Variants in DTD1 observed in about 807,000 individuals in gnomAD.
The protein encoded by DTD1 is D-tyrosyl-tRNA deacylase 1 homolog.
Under a neutral mutation model 25.6 loss-of-function variants are expected in DTD1, and 13 were observed. The ratio of observed to expected loss-of-function variants is 0.51; its 90% confidence interval spans 0.33 to 0.81. The LOEUF is 0.81. DTD1 is among the 30% of genes least tolerant of loss of function. The pLI is 0.02. For missense variants in DTD1, 193 were observed against 266.4 expected, an observed-to-expected ratio of 0.72 and a Z score of 1.92; for synonymous variants, 110 against 103.6, an observed-to-expected ratio of 1.06 and a Z score of -0.37.
intron 4 of DTD1, among the ~76,000 whole-genome samples, chr20:18,659,688 G>T (rs2060902172): frequency 6.6e-6 from 1 of 152,110 alleles, no homozygotes; most frequent in Non-Finnish European, 1.5e-5. Context: ...TCACTCATAA[G>T]TGGGAGTTGA....
chr20:18,756,352 A>G (rs151024593), intron 5 of DTD1, among the ~76,000 whole-genome samples: 3,371 of 152,240 alleles, frequency 0.022, 128 homozygotes, highest in African/African-American at 0.078. Context: ...GCCCATGCCT[A>G]TGTCCTGAAT....
At chr20:18,695,047 T>TA (rs1197347744) in intron 4 of DTD1, among the ~76,000 whole-genome samples, 5 of 152,176 alleles carry the variant, frequency 3.3e-5, no homozygotes, top group Admixed American at 3.3e-4. Context: ...AGGACACAGA[T>TA]ACTCAGCGCG....
In DTD1 at chr20:18,708,276, TAATATATATTA is replaced by T. The variant is rs1568676905; in HGVS notation, c.478-35823_478-35813del. On this transcript the variant is annotated intron_variant, in intron 4 of 5. Transcript: ENST00000377452. ...ATTATATATATATTTTATATATATATAATATATATTATATATATATAATATATATATTTTAT... is the reference window on the plus strand; with the variant it reads ...ATTATATATATATTTTATATATATATTATATATATAATATATATATTTTAT... 4.4e-3 allele frequency among the ~76,000 whole-genome samples: 57 copies of T among 13,080 alleles called. 3 individuals are homozygous for T. The highest frequency in any genetic ancestry group is 9.1e-3 in the African/African-American group (46 of 5,072). 8.6% of individuals were successfully genotyped at this position (13,080 alleles called of 152,430 possible). A position where few individuals can be genotyped will look rare whatever the true frequency, so the allele number is the denominator to read the frequency against.
chr20:18,657,884 G>A (rs2060896398), intron 4 of DTD1, among the ~76,000 whole-genome samples: 2 of 152,082 alleles, frequency 1.3e-5, no homozygotes, highest in Admixed American at 6.5e-5. Flanking sequence ...AGGCTACAGC[G>A]TCCTTCAGGG....
At chr20:18,700,824 G>T (rs889928343) in intron 4 of DTD1, among the ~76,000 whole-genome samples, 2 of 152,144 alleles carry the variant, frequency 1.3e-5, no homozygotes, top group Admixed American at 6.6e-5. Flanking sequence ...CTCAGAGGAA[G>T]GGGGACCTTG....
chr20:18,636,890 A>C (rs1378006362), intron 4 of DTD1, among the ~76,000 whole-genome samples: 2 of 152,218 alleles, frequency 1.3e-5, no homozygotes, highest in Non-Finnish European at 2.9e-5. Flanking sequence ...ACTGAGGACC[A>C]CTGGCATCAA....
intron 4 of DTD1, among the ~76,000 whole-genome samples, chr20:18,633,297 C>G (rs954221907): frequency 1.3e-5 from 2 of 152,122 alleles, no homozygotes; most frequent in East Asian, 3.9e-4. Flanking sequence ...AGAAGAGGGT[C>G]AAGCTCTTTC....
chr20:18,705,516 A>G (rs1305871223), intron 4 of DTD1, among the ~76,000 whole-genome samples: 1 of 152,168 alleles, frequency 6.6e-6, no homozygotes, highest in Non-Finnish European at 1.5e-5. Flanking sequence ...CCAGGAAGCT[A>G]CCGCCAGGTT....
At chr20:18,714,802 T>G (rs1239491827) in intron 4 of DTD1, among the ~76,000 whole-genome samples, 1 of 152,320 alleles carries the variant, frequency 6.6e-6, no homozygotes, top group East Asian at 1.9e-4. Context: ...AGGGCAAAAC[T>G]AATTTCCTAT....
At chr20:18,703,863 C>T (rs1165118096) in intron 4 of DTD1, among the ~76,000 whole-genome samples, 1 of 152,004 alleles carries the variant, frequency 6.6e-6, no homozygotes, top group Non-Finnish European at 1.5e-5. Flanking sequence ...TTCCCAGAGT[C>T]AGTTCTGTTT....
At chr20:18,684,906 T>C (rs1453482965) in intron 4 of DTD1, among the ~76,000 whole-genome samples, 7 of 151,600 alleles carry the variant, frequency 4.6e-5, no homozygotes, top group African/African-American at 1.7e-4. Flanking sequence ...TTTGTTTTTT[T>C]GCTTTTTTTT....
intron 3 of DTD1, among the ~76,000 whole-genome samples, chr20:18,609,169 C>G (rs2060676124): frequency 6.6e-6 from 1 of 151,292 alleles, no homozygotes; most frequent in African/African-American, 2.4e-5. Context: ...TTGACAGGGT[C>G]TCACTCTGTC....
intron 3 of DTD1, among the ~76,000 whole-genome samples, chr20:18,599,633 C>T (rs1214510934): frequency 6.6e-6 from 1 of 152,212 alleles, no homozygotes; most frequent in Admixed American, 6.5e-5. Context: ...TTTGCATTCC[C>T]ACCAGCAATG....
chr20:18,697,028 C>G (rs1228462238), intron 4 of DTD1, among the ~76,000 whole-genome samples: 1 of 151,466 alleles, frequency 6.6e-6, no homozygotes, highest in Non-Finnish European at 1.5e-5. Flanking sequence ...GTCAGGAGAT[C>G]ACGACCATCC....
chr20:18,611,586 C>A (rs566913172), intron 3 of DTD1, among the ~76,000 whole-genome samples: 1 of 152,226 alleles, frequency 6.6e-6, no homozygotes, highest in South Asian at 2.1e-4. Flanking sequence ...GAGAGAAGAT[C>A]GTTGTCCCCT....
At chr20:18,662,166 T>C (rs1568661822) in intron 4 of DTD1, among the ~76,000 whole-genome samples, 1 of 152,146 alleles carries the variant, frequency 6.6e-6, no homozygotes, top group East Asian at 1.9e-4. Context: ...AAAAAAGTTG[T>C]GAAAAGACGT....
At chr20:18,645,832 G>A (rs953612756) in intron 4 of DTD1, among the ~76,000 whole-genome samples, 16 of 152,290 alleles carry the variant, frequency 1.1e-4, no homozygotes, top group Non-Finnish European at 2.1e-4. Context: ...AGTGTTTTAA[G>A]GACTATATAT....
At chr20:18,711,611 T>TA (rs886766343) in intron 4 of DTD1, among the ~76,000 whole-genome samples, 1 of 152,198 alleles carries the variant, frequency 6.6e-6, no homozygotes, top group East Asian at 1.9e-4. Context: ...ACAGTGTTTT[T>TA]AAAAAATCAT....
At chr20:18,609,094 G>A (rs536060093) in intron 3 of DTD1, among the ~76,000 whole-genome samples, 2 of 151,584 alleles carry the variant, frequency 1.3e-5, no homozygotes, top group Non-Finnish European at 2.9e-5. Context: ...TTTCAATGTT[G>A]AACTGCAGTA....
Sources: allele counts gnomAD v4.1 joint callset (sites outside exome capture counted in the v4.1 genomes callset), GRCh38; gene constraint gnomAD v4.1.1; transcripts MANE v1.5; gene names NCBI Gene and HGNC (gene_info 2026-07-23, HGNC 2026-07-21).